The following NEDD4 variants were observed in gnomAD, a reference collection of about 807,000 sequenced individuals.
NEDD4 encodes E3 ubiquitin-protein ligase NEDD4.
In NEDD4, 99 loss-of-function variants were observed where a neutral mutation model predicts 144.9. The ratio of observed to expected loss-of-function variants is 0.68; its 90% CI spans 0.58 to 0.81. The LOEUF (loss-of-function observed/expected upper bound fraction) is 0.81, where lower values mean the gene tolerates loss of function less well. Ranked by LOEUF, NEDD4 falls within the 30% of genes least tolerant of loss-of-function variation. The probability of loss-of-function intolerance (pLI) is 0.00; values close to 1 mark genes in which losing one functional copy is unlikely to be tolerated. For synonymous variants in NEDD4, 318 were observed against 350.6 expected (o/e 0.91, Z 1.04); for missense variants, 985 against 1,065.9 (o/e 0.92, Z 1.06).
At chr15:55,956,790 C>T (rs2142312777) in intron 2 of NEDD4, among the ~76,000 whole-genome samples, 1 of 152,136 alleles carries the variant, frequency 6.6e-6, no homozygotes, top group South Asian at 2.1e-4. Flanking sequence ...TTCTATGTGC[C>T]TTGACTTTCC....
intron 1 of NEDD4, among the ~76,000 whole-genome samples, chr15:55,972,839 A>G (rs1241748016): frequency 1.3e-5 from 2 of 152,246 alleles, no homozygotes; most frequent in Non-Finnish European, 2.9e-5. Flanking sequence ...AGGAATAGCT[A>G]TATCAGATCA....
intron 5 of NEDD4, among the ~76,000 whole-genome samples, chr15:55,922,699 A>G (rs2036590980): frequency 6.6e-6 from 1 of 152,124 alleles, no homozygotes; most frequent in African/African-American, 2.4e-5. Flanking sequence ...TACATGTGAT[A>G]AAAGTATTTT....
intron 5 of NEDD4, among the ~76,000 whole-genome samples, chr15:55,896,776 A>G (rs1039656992): frequency 6.6e-5 from 10 of 152,104 alleles, no homozygotes; most frequent in Non-Finnish European, 8.8e-5. Flanking sequence ...AAAAGGATAA[A>G]ATTCTATTCA....
chr15:55,837,207 A>T (rs2033248053), intron 24 of NEDD4, among the ~76,000 whole-genome samples: 1 of 152,146 alleles, frequency 6.6e-6, no homozygotes, highest in Non-Finnish European at 1.5e-5. Context: ...AGGTGGATGG[A>T]TCACTTGAGG....
chr15:55,881,988 G>A (rs1412517235), intron 5 of NEDD4, among the ~76,000 whole-genome samples: 1 of 152,090 alleles, frequency 6.6e-6, no homozygotes, highest in Non-Finnish European at 1.5e-5. Flanking sequence ...ATATCCCCTG[G>A]GTGGCAAGAT....
At chr15:55,859,612 G>A (rs1410695721) in intron 11 of NEDD4, among the ~76,000 whole-genome samples, 1 of 152,134 alleles carries the variant, frequency 6.6e-6, no homozygotes, top group Admixed American at 6.6e-5. Flanking sequence ...CATGAGAATC[G>A]CCTGAAGCTG....
intron 19 of NEDD4, 93 bp downstream of exon 19, chr15:55,841,841 G>A (rs1387069212): frequency 2.9e-6 from 3 of 1,029,608 alleles, no homozygotes; most frequent in African/African-American, 3.2e-5. Context: ...AAAGTGCTGG[G>A]ATTACAGGCA....
intron 5 of NEDD4, chr15:55,915,785 C>T (rs7174459): frequency 0.27 from 432,572 of 1,613,154 alleles, 60,512 homozygotes; most frequent in Admixed American, 0.33. Flanking sequence ...TCTTCTGTAA[C>T]GAGCCCTTCC....
intron 1 of NEDD4, chr15:55,987,243 T>C (rs1566979689): frequency 4.7e-5 from 2 of 42,264 alleles, no homozygotes; most frequent in Non-Finnish European, 9.7e-5. Flanking sequence ...CATTTCTTCA[T>C]GTGTTTTTTG....
chr15:55,875,201 T>C (rs1566926217), intron 5 of NEDD4, among the ~76,000 whole-genome samples: 1 of 151,714 alleles, frequency 6.6e-6, no homozygotes, highest in African/African-American at 2.4e-5. Context: ...GCAGCTATTA[T>C]AAAGATGTTC....
intron 4 of NEDD4, among the ~76,000 whole-genome samples, chr15:55,948,478 AAGAGCC>A (rs2037167369): frequency 6.6e-6 from 1 of 152,228 alleles, no homozygotes; most frequent in Non-Finnish European, 1.5e-5. Context: ...GGAGCCAAGA[AAGAGCC>A]CACATAGCCA....
At chr15:55,861,977 G>A (rs1408892858) in intron 9 of NEDD4, among the ~76,000 whole-genome samples, 2 of 152,080 alleles carry the variant, frequency 1.3e-5, no homozygotes, top group African/African-American at 4.8e-5. Flanking sequence ...CAGCCACAGT[G>A]AAAGAACTGT....
chr15:55,844,839 G>A (rs1421896236), intron 18 of NEDD4, among the ~76,000 whole-genome samples: 1 of 145,514 alleles, frequency 6.9e-6, no homozygotes, highest in Non-Finnish European at 1.5e-5. Flanking sequence ...ACAGAGTACT[G>A]CTCTGTCATT....
chr15:55,840,252 C>T (rs1165121881), intron 21 of NEDD4, among the ~76,000 whole-genome samples, 195 bp downstream of exon 21: 2 of 151,306 alleles, frequency 1.3e-5, no homozygotes, highest in South Asian at 2.1e-4. Flanking sequence ...TGATATACAA[C>T]TGTCCAATGT....
chr15:55,843,004 T>C (rs1362257303), intron 18 of NEDD4, among the ~76,000 whole-genome samples: 3 of 152,210 alleles, frequency 2.0e-5, no homozygotes, highest in African/African-American at 2.4e-5. Context: ...GATTGAATTA[T>C]GGGGGCGGAT....
chr15:55,878,877 C>T (rs1384958930), intron 5 of NEDD4, among the ~76,000 whole-genome samples: 1 of 152,208 alleles, frequency 6.6e-6, no homozygotes, highest in African/African-American at 2.4e-5. Flanking sequence ...GGCTGGGGTG[C>T]AATGGCGCGA....
intron 19 of NEDD4, 110 bp downstream of exon 19, chr15:55,841,824 G>A: frequency 1.2e-6 from 1 of 837,200 alleles, no homozygotes; most frequent in Non-Finnish European, 2.0e-6. Context: ...GCCCGCCTCG[G>A]CCTCCCAAAG....
At chr15:55,965,195 T>C (rs1265398877) in intron 2 of NEDD4, among the ~76,000 whole-genome samples, 14 of 152,168 alleles carry the variant, frequency 9.2e-5, no homozygotes, top group African/African-American at 3.1e-4. Flanking sequence ...CCACAAATCC[T>C]GTTTTTGGTT....
At chr15:55,893,938 G>T (rs1251028404) in intron 5 of NEDD4, among the ~76,000 whole-genome samples, 1 of 151,694 alleles carries the variant, frequency 6.6e-6, no homozygotes, top group Admixed American at 6.6e-5. Context: ...CTTATTGACT[G>T]TGCTTTATAC....
Sources: allele counts gnomAD v4.1 joint callset (sites outside exome capture counted in the v4.1 genomes callset), GRCh38; gene constraint gnomAD v4.1.1; transcripts MANE v1.5; gene names NCBI Gene and HGNC (gene_info 2026-07-23, HGNC 2026-07-21).